CLPB: variants seen among roughly 807,000 people sequenced by gnomAD.
The protein encoded by CLPB is mitochondrial disaggregase.
CLPB carries 40 observed loss-of-function variants against 78.4 expected under a neutral mutation model. The observed-to-expected ratio is 0.51, with a 90% CI of 0.40 to 0.66. The LOEUF (loss-of-function observed/expected upper bound fraction) is 0.66. CLPB is among the 30% of genes least tolerant of loss of function. The probability of loss-of-function intolerance (pLI) is 0.00; values close to 1 mark genes in which losing one functional copy is unlikely to be tolerated. For missense variants in CLPB, 780 were observed against 886.9 expected (o/e 0.88, Z 1.53); for synonymous variants, 333 against 348.0 (o/e 0.96, Z 0.48).
At chr11:72,405,780 T>C (rs1855690801) in intron 2 of CLPB, among the ~76,000 whole-genome samples, 1 of 151,908 alleles carries the variant, frequency 6.6e-6, no homozygotes, top group African/African-American at 2.4e-5. Flanking sequence ...TACAAAAAAT[T>C]AGCCGGGCGT....
chr11:72,354,451 G>A (rs539895006), intron 5 of CLPB: 114 of 397,768 alleles, frequency 2.9e-4, no homozygotes, highest in Middle Eastern at 6.3e-4. Flanking sequence ...CTGCCGGTGG[G>A]ATCACATCCC....
At chr11:72,424,691 C>T (rs904283530) in intron 2 of CLPB, among the ~76,000 whole-genome samples, 10 of 152,240 alleles carry the variant, frequency 6.6e-5, no homozygotes, top group Admixed American at 6.5e-4. Flanking sequence ...GTCAGACCAT[C>T]CTGGCTAACA....
intron 5 of CLPB, among the ~76,000 whole-genome samples, chr11:72,345,001 T>C (rs554620182): frequency 6.6e-6 from 1 of 152,308 alleles, no homozygotes; most frequent in Middle Eastern, 3.4e-3. Context: ...CACCTTCATA[T>C]TGGCAAAAAT....
Position 72,346,783 on chromosome 11 carries a change from G to A in CLPB, c.775+12097C>T, listed in dbSNP as rs140617044. ...ACCTGAGGTCAGCAGTTCAAGATCA[G>A]TCTGGCCAACATGGTGAAACCCCGT... On this transcript the variant is annotated intron_variant, in intron 5 of 15. Transcript: ENST00000538039. Among the ~76,000 whole-genome samples, 377 of 151,934 alleles carry A rather than the reference G, an allele frequency of 2.5e-3. 3 individuals carry two copies. The highest frequency in any genetic ancestry group is 8.9e-3 in the African/African-American group (369 of 41,438).
At chr11:72,354,622 C>G in intron 5 of CLPB, 1 of 335,958 alleles carries the variant, frequency 3.0e-6, no homozygotes, top group Non-Finnish European at 5.3e-6. Flanking sequence ...CCCACCACAC[C>G]TGCATTCAAG....
chr11:72,316,693 T>C (rs973395456), intron 7 of CLPB, among the ~76,000 whole-genome samples: 1 of 152,182 alleles, frequency 6.6e-6, no homozygotes, highest in African/African-American at 2.4e-5. Flanking sequence ...AGTTGACAGA[T>C]GGGGACATAA....
At chr11:72,404,540 G>A (rs533171745) in intron 2 of CLPB, among the ~76,000 whole-genome samples, 1 of 152,344 alleles carries the variant, frequency 6.6e-6, no homozygotes, top group East Asian at 1.9e-4. Flanking sequence ...GGGGGAGACA[G>A]AACAGAACTG....
chr11:72,302,198 A>C (rs1949668622), intron 10 of CLPB, 106 bp downstream of exon 10: 10 of 1,273,380 alleles, frequency 7.9e-6, no homozygotes, highest in Non-Finnish European at 1.1e-6. Context: ...CCCAACGACA[A>C]ATCCCAAGGC....
At chr11:72,394,318 C>A (rs972630386) in intron 3 of CLPB, among the ~76,000 whole-genome samples, 2 of 152,158 alleles carry the variant, frequency 1.3e-5, no homozygotes, top group African/African-American at 2.4e-5. Flanking sequence ...AGATGGAACA[C>A]CCTGCCCCAA....
Position 72,430,302 on chromosome 11 carries a change from T to C in CLPB, c.455+10A>G. 6.2e-7 allele frequency: 1 copy of C among 1,611,212 alleles called. No individual in the cohort carries two copies. Among genetic ancestry groups the C allele is most frequent in the East Asian group, 2.2e-5 (1 of 44,792 alleles). On this transcript the variant is annotated intron_variant, in intron 2 of 15. Coordinates refer to ENST00000538039, the MANE Select transcript of CLPB (RefSeq NM_001258392.3). ...CTGTAGGGGAGAGCAAGGCCTGGGGTTCAACTCACCTGCTGACTTCTTGCA... is the reference window on the plus strand; with the variant it reads ...CTGTAGGGGAGAGCAAGGCCTGGGGCTCAACTCACCTGCTGACTTCTTGCA...
Position 72,292,342 on chromosome 11 carries a change from CCTTA to C in CLPB, c.*1021_*1024del, listed in dbSNP as rs886968096. Reference sequence around the variant, plus strand: ...AGATGGTGCCCAAGGATGCACCAGGCCTTACTGTGCCTGGCTAAGGTGGGCTTGA... The same window carrying C: ...AGATGGTGCCCAAGGATGCACCAGGCCTGTGCCTGGCTAAGGTGGGCTTGA... On this transcript the variant is annotated 3_prime_UTR_variant, in exon 16 of 16. Transcript: ENST00000538039. 1.1e-4 allele frequency: 17 copies of C among 152,330 alleles called. No homozygotes were observed. The highest frequency in any genetic ancestry group is 4.1e-4 in the African/African-American group (17 of 41,552). The allele number at this position is 152,330 out of a possible 1,614,324, so 9.4% of individuals were successfully genotyped here.
At chr11:72,403,927 T>C (rs1419446903) in intron 2 of CLPB, among the ~76,000 whole-genome samples, 1 of 152,136 alleles carries the variant, frequency 6.6e-6, no homozygotes, top group African/African-American at 2.4e-5. Flanking sequence ...CCCAAGTACT[T>C]TACATTCATG....
At chr11:72,306,215 A>AG (rs1239359125) in intron 9 of CLPB, among the ~76,000 whole-genome samples, 1 of 152,230 alleles carries the variant, frequency 6.6e-6, no homozygotes, top group Admixed American at 6.5e-5. Context: ...ATGAAGCAGA[A>AG]GGGGGCTCAG....
chr11:72,318,998 G>C (rs184196502), intron 6 of CLPB, among the ~76,000 whole-genome samples: 1 of 152,190 alleles, frequency 6.6e-6, no homozygotes, highest in Non-Finnish European at 1.5e-5. Context: ...ACTTGCAGTC[G>C]GGCAGGCCAT....
At chr11:72,313,762 G>A (rs934272273) in intron 7 of CLPB, among the ~76,000 whole-genome samples, 3 of 152,154 alleles carry the variant, frequency 2.0e-5, no homozygotes, top group Admixed American at 6.5e-5. Flanking sequence ...AGGTAAATGA[G>A]GCATCCTTCA....
At chr11:72,366,215 C>CTTGTTTTGTT (rs58149853) in intron 4 of CLPB, among the ~76,000 whole-genome samples, 3 of 151,736 alleles carry the variant, frequency 2.0e-5, no homozygotes, top group Non-Finnish European at 4.4e-5. Flanking sequence ...GGTCTTTTGT[C>CTTGTTTTGTT]TTGTTTTGTT....
At position 72,317,198 on chromosome 11, in the gene CLPB, C is replaced by G. The variant is rs547532550; in HGVS notation, c.896G>C (p.Arg299Pro). 5 of 1,611,408 alleles carry G rather than the reference C, an allele frequency of 3.1e-6. No homozygotes were observed. The highest frequency in any genetic ancestry group is 4.2e-6 in the Non-Finnish European group (5 of 1,179,134). ...EAKYQEKQRK[R>P]EAEERRRFPL... ...GAAGCGGCGCCGCTCCTCAGCCTCA[C>G]GCTTCCGCTGCTTCTCTTGGTACTG... is the stretch of plus-strand genomic sequence containing the variant. The change falls in exon 7 of 16, where the codon CGT becomes CCT. Residue 299 changes from arginine (R) to proline (P), a missense_variant. By Grantham distance (103) the Arg-to-Pro change is moderately radical. Around this residue, in one of 3 missense-constraint regions of CLPB, gnomAD observed 417 missense variants for 414.7 expected, o/e 1.01. Coordinates refer to ENST00000538039, the MANE Select transcript of CLPB (RefSeq NM_001258392.3).
chr11:72,333,765 C>T (rs1427176026), intron 5 of CLPB, among the ~76,000 whole-genome samples: 1 of 152,186 alleles, frequency 6.6e-6, no homozygotes, highest in Admixed American at 6.5e-5. Flanking sequence ...GGCCCAGCCC[C>T]ACTGAGTTGC....
chr11:72,293,608 C>T lies in CLPB; in HGVS notation c.1793G>A (p.Arg598His), dbSNP rs1351095102. 3.7e-6 allele frequency: 6 copies of T among 1,610,448 alleles called. No individual in the cohort carries two copies. The highest frequency in any genetic ancestry group is 1.7e-5 in the Admixed American group (1 of 59,922). The change falls in exon 16 of 16, where the codon CGC becomes CAC. Residue 598 changes from arginine to histidine, a missense_variant. By Grantham distance (29) the Arg-to-His change is conservative. This residue lies in a region of CLPB where 272 missense variants were observed against 304.0 expected (regional missense o/e 0.89). Coordinates refer to ENST00000538039, the MANE Select transcript of CLPB (RefSeq NM_001258392.3). ...GARSIKHEVE[R>H]RVVNQLAAAY... Reference sequence around the variant, plus strand: ...TGCTGCCAGCTGGTTCACCACACGGCGTTCTACCTGTCGGTGGGGAGGTGA... The same window carrying T: ...TGCTGCCAGCTGGTTCACCACACGGTGTTCTACCTGTCGGTGGGGAGGTGA...
Sources: gnomAD v4.1 joint callset for allele counts (sites outside exome capture counted in the v4.1 genomes callset) on GRCh38, gnomAD v4.1.1 for gene constraint, gnomAD v4.1.1 regional missense constraint, MANE v1.5 for transcripts, NCBI Gene and HGNC (gene_info 2026-07-23, HGNC 2026-07-21) for gene names.